The following KIFC1 variants were observed in gnomAD, a reference collection of about 807,000 sequenced individuals.
The protein encoded by KIFC1 is kinesin-like protein KIFC1.
Under a neutral mutation model 66.6 loss-of-function variants are expected in KIFC1, and 37 were observed. The observed-to-expected ratio is 0.56, with a 90% CI of 0.43 to 0.73. The LOEUF (loss-of-function observed/expected upper bound fraction) is 0.73, where lower values mean the gene tolerates loss of function less well. KIFC1 is among the 30% of genes least tolerant of loss of function. KIFC1 has a pLI of 0.00. For synonymous variants in KIFC1, 325 were observed against 343.5 expected (o/e 0.95, Z 0.60); for missense variants, 721 against 859.8 (o/e 0.84, Z 2.02).
rs564401607 is a variant in KIFC1, at chr6:33,409,709, G to C, written c.*19G>C. 0.084 allele frequency: 29,045 copies of C among 346,346 alleles called. 2,031 individuals are homozygous for C. Among genetic ancestry groups the C allele is most frequent in the Non-Finnish European group, 0.098 (21,939 of 224,992 alleles). The allele number at this position is 346,346 out of a possible 1,614,324, so 21.5% of individuals were successfully genotyped here. On this transcript the variant is annotated 3_prime_UTR_variant, in exon 11 of 11. Coordinates refer to ENST00000428849, the MANE Select transcript of KIFC1 (RefSeq NM_002263.4). Reference sequence around the variant, plus strand: ...GAAGTGAAGACGGATCCAGATCTGTGTGTGTGTGTGTGTGTGTGTGTGTGT... The same window carrying C: ...GAAGTGAAGACGGATCCAGATCTGTCTGTGTGTGTGTGTGTGTGTGTGTGT...
intron 1 of KIFC1, among the ~76,000 whole-genome samples, chr6:33,393,434 C>CTTTTTT (rs71536188): frequency 8.5e-5 from 7 of 82,534 alleles, no homozygotes; most frequent in East Asian, 3.9e-4. Context: ...GCACCATTGC[C>CTTTTTT]TTTTTTTTTT....
Position 33,405,687 on chromosome 6 carries a change from C to T in KIFC1, c.1536+56C>T, listed in dbSNP as rs761059962. On this transcript the variant is annotated intron_variant, in intron 7 of 10. Coordinates refer to ENST00000428849, the MANE Select transcript of KIFC1 (RefSeq NM_002263.4). The surrounding 1 kb of genome is among the most constrained non-coding windows in gnomAD (Gnocchi z 5.4). ...ATGGGGAGGAGTGGGCAGGGTGCCA[C>T]GAGATGGAGGTAGAGGGAGAAAGGA... 3.6e-5 allele frequency: 51 copies of T among 1,416,294 alleles called. No individual in the cohort carries two copies. Among genetic ancestry groups the T allele is most frequent in the Non-Finnish European group, 4.5e-5 (49 of 1,077,424 alleles). The allele number at this position is 1,416,294 out of a possible 1,614,324, so 87.7% of individuals were successfully genotyped here.
rs547197204 is a variant in KIFC1 at position 33,401,259 on chromosome 6, C to T, written c.251-2055C>T. ...AAGTGATTCTCCTGCCTCAGCCTCC[C>T]GAGTAGCTGGGACTATAGGTGTGTG... On this transcript the variant is annotated intron_variant, in intron 3 of 10. Coordinates refer to ENST00000428849, the MANE Select transcript of KIFC1 (RefSeq NM_002263.4). The surrounding 1 kb of genome is among the most constrained non-coding windows in gnomAD (Gnocchi z 4.5). Among the ~76,000 whole-genome samples the T allele has an allele frequency of 1.3e-5, 2 of 151,888 alleles. No individual in the cohort carries two copies. The highest frequency in any genetic ancestry group is 3.4e-3 in the Middle Eastern group (1 of 290).
intron 2 of KIFC1, 35 bp from the exon 3 acceptor site, chr6:33,398,253 G>C: frequency 1.2e-6 from 2 of 1,613,714 alleles, no homozygotes; most frequent in Non-Finnish European, 1.7e-6. Flanking sequence ...CCATTAGGGA[G>C]GGTGACTATG....
chr6:33,398,414 A>C, intron 3 of KIFC1, 27 bp downstream of exon 3: 1 of 1,442,522 alleles, frequency 6.9e-7, no homozygotes, highest in South Asian at 1.1e-5. Context: ...GATAGACTCC[A>C]AGGACATGGA....
chr6:33,404,399 T>A lies in KIFC1; in HGVS notation c.756+270T>A, dbSNP rs940548801. On this transcript the variant is annotated intron_variant, in intron 6 of 10. Coordinates refer to ENST00000428849, the MANE Select transcript of KIFC1 (RefSeq NM_002263.4). This position sits in a 1 kb window ranked among gnomAD's most constrained non-coding sequence, Gnocchi z 4.0. ...TGTCTTTCTTAGTCCTCCATCCCTC[T>A]TTCTTTGGGTTCCCATCCTGATCAC... Among the ~76,000 whole-genome samples, 1 of 152,214 alleles carries A rather than the reference T, an allele frequency of 6.6e-6. No individual in the cohort carries two copies. Among genetic ancestry groups the A allele is most frequent in the African/African-American group, 2.4e-5 (1 of 41,462 alleles).
chr6:33,397,819 C>T (rs1159262213), intron 1 of KIFC1, among the ~76,000 whole-genome samples: 1 of 152,186 alleles, frequency 6.6e-6, no homozygotes, highest in Admixed American at 6.5e-5. Flanking sequence ...TAAAGTTAGT[C>T]AAGTCCAGCT....
At chr6:33,396,839 GC>G (rs1244360870) in intron 1 of KIFC1, among the ~76,000 whole-genome samples, 2 of 151,654 alleles carry the variant, frequency 1.3e-5, no homozygotes, top group Non-Finnish European at 2.9e-5. Flanking sequence ...CTGCCACCAC[GC>G]CCGGCTAATT....
At chr6:33,399,069 C>T (rs1775242236) in intron 3 of KIFC1, among the ~76,000 whole-genome samples, 2 of 152,194 alleles carry the variant, frequency 1.3e-5, no homozygotes, top group African/African-American at 4.8e-5. Context: ...TCTGCTTCTG[C>T]AGATTCAACC....
In KIFC1 at chr6:33,398,388, G is replaced by A. The variant is rs1775203008; in HGVS notation, c.250+1G>A. 6.2e-7 allele frequency: 1 copy of A among 1,609,946 alleles called. No homozygotes were observed. The highest frequency in any genetic ancestry group is 8.5e-7 in the Non-Finnish European group (1 of 1,176,278). On this transcript the variant is annotated splice_donor_variant, in intron 3 of 10. Coordinates refer to ENST00000428849, the MANE Select transcript of KIFC1 (RefSeq NM_002263.4). LOFTEE classifies it high-confidence loss of function. ...CCACAGACACAAGGCCAGACCACAG[G>A]TGGGCTCTCAGGATGGATAGACTCC...
chr6:33,403,951 C>T lies in KIFC1; in HGVS notation c.578C>T (p.Ala193Val), dbSNP rs1775503356. ...CGCACAACACTGGAGGGGCATTTAG[C>T]CAAGGTACAGGCCCAGGCTGAGCAG... is the stretch of plus-strand genomic sequence containing the variant. ...TERTTLEGHL[A>V]KVQAQAEQGQ... Residue 193 changes from alanine (A) to valine (V), a missense_variant, in exon 6 of 11, where the codon GCC becomes GTC. Transcript: ENST00000428849. The surrounding 1 kb of genome is among the most constrained non-coding windows in gnomAD (Gnocchi z 4.6). The T allele has an allele frequency of 6.2e-7, 1 of 1,614,226 alleles. No individual in the cohort carries two copies. Among genetic ancestry groups the T allele is most frequent in the East Asian group, 2.2e-5 (1 of 44,892 alleles).
In KIFC1 at chr6:33,409,741, GTGTGTGTGTGTGTCCCTATGTCTA is replaced by G; in HGVS notation, c.*55_*78del. On this transcript the variant is annotated 3_prime_UTR_variant, in exon 11 of 11. Coordinates refer to ENST00000428849, the MANE Select transcript of KIFC1 (RefSeq NM_002263.4). ...TGTGTGTGTGTGTGTGTGTGTGTGT[GTGTGTGTGTGTGTCCCTATGTCTA>G]TGTATCGGGTGAGGGGTGGGAGGGT... The G allele has an allele frequency of 3.0e-6, 4 of 1,325,626 alleles. No individual in the cohort carries two copies. The highest frequency in any genetic ancestry group is 4.2e-6 in the Non-Finnish European group (4 of 947,184). The allele number at this position is 1,325,626 out of a possible 1,614,324, so 82.1% of individuals were successfully genotyped here.
Position 33,398,361 on chromosome 6 carries a change from T to C in KIFC1, c.224T>C (p.Val75Ala). 1 of 1,613,982 alleles carries C rather than the reference T, an allele frequency of 6.2e-7. No homozygotes were observed. Residue 75 changes from valine to alanine, a missense_variant, in exon 3 of 11, where the codon GTG becomes GCG. Physicochemically the swap from Val to Ala is moderately conservative, Grantham distance 64. Coordinates refer to ENST00000428849, the MANE Select transcript of KIFC1 (RefSeq NM_002263.4). ...CCAAGAGTTCCATCCCTCACTACAG[T>C]GCCACAGACACAAGGCCAGACCACA... is the stretch of plus-strand genomic sequence containing the variant. The part of the protein sequence containing the change: ...SHPRVPSLTT[V>A]PQTQGQTTAQ...
rs747759152 is a variant in KIFC1, at chr6:33,392,009, C to T, written c.12+12C>T. 22 of 1,613,510 alleles carry T rather than the reference C, an allele frequency of 1.4e-5. No individual in the cohort carries two copies. In the South Asian group the frequency reaches 2.4e-4, roughly 18 times the overall value. On this transcript the variant is annotated intron_variant, in intron 1 of 10. Transcript: ENST00000428849. ...ACATGGATCCGCAGGTGAGTAGGGG[C>T]GGCGCAGGTGTCCTGCCCTGGGGAT... is the stretch of plus-strand genomic sequence containing the variant.
rs910835553 is a variant in KIFC1, at chr6:33,400,772, G to T, written c.250+2385G>T. Among the ~76,000 whole-genome samples, 15 of 151,968 alleles carry T rather than the reference G, an allele frequency of 9.9e-5. No homozygotes were observed. The highest frequency in any genetic ancestry group is 3.4e-4 in the African/African-American group (14 of 41,388). On this transcript the variant is annotated intron_variant, in intron 3 of 10. Coordinates refer to ENST00000428849, the MANE Select transcript of KIFC1 (RefSeq NM_002263.4). This position sits in a 1 kb window ranked among gnomAD's most constrained non-coding sequence, Gnocchi z 4.3. Reference sequence around the variant, plus strand: ...CGCCATTTTCCTGCCTCAGCCTTCCGCGTAGCTGGGACTACAGGCGCCCTC... The same window carrying T: ...CGCCATTTTCCTGCCTCAGCCTTCCTCGTAGCTGGGACTACAGGCGCCCTC...
Position 33,405,632 on chromosome 6 carries a change from GTGAGGACCCA to G in KIFC1, c.1536+4_1536+13del. On this transcript the variant is annotated splice_donor_variant and splice_donor_5th_base_variant and intron_variant, in intron 7 of 10. Coordinates refer to ENST00000428849, the MANE Select transcript of KIFC1 (RefSeq NM_002263.4). LOFTEE classifies it high-confidence loss of function. This position sits in a 1 kb window ranked among gnomAD's most constrained non-coding sequence, Gnocchi z 5.4. The stretch of plus-strand genomic sequence containing the variant: ...TGTCCCTGTCTCCTGTGAGAAAGAA[GTGAGGACCCA>G]TGGGCACTGGAACTGGGAAATGGGG... 6.6e-7 allele frequency: 1 copy of G among 1,508,382 alleles called. No individual in the cohort carries two copies. The highest frequency in any genetic ancestry group is 8.8e-7 in the Non-Finnish European group (1 of 1,133,038). The allele number at this position is 1,508,382 out of a possible 1,614,324, so 93.4% of individuals were successfully genotyped here.
Position 33,405,576 on chromosome 6 carries a change from G to A in KIFC1, c.1481G>A (p.Ser494Asn), listed in dbSNP as rs765052988. Residue 494 changes from serine (S) to asparagine (N), a missense_variant, in exon 7 of 11, where the codon AGT (serine) becomes AAT (asparagine). Physicochemically the swap from Ser to Asn is conservative, Grantham distance 46. Coordinates refer to ENST00000428849, the MANE Select transcript of KIFC1 (RefSeq NM_002263.4). This position sits in a 1 kb window ranked among gnomAD's most constrained non-coding sequence, Gnocchi z 5.4. ...GAGATTCGCCGTGCAGGGCCAGGGA[G>A]TGAGGAGCTCACTGTCACCAATGCT... is the stretch of plus-strand genomic sequence containing the variant. ...ECEIRRAGPGSEELTVTNARY... is the reference protein window; with the variant it reads ...ECEIRRAGPGNEELTVTNARY... 6 of 1,567,880 alleles carry A rather than the reference G, an allele frequency of 3.8e-6. No homozygotes were observed. The African/African-American group carries it at 8.2e-5, about 21-fold the overall frequency.
At position 33,406,325 on chromosome 6, in the gene KIFC1, C is replaced by T. The variant is rs1215047551; in HGVS notation, c.1666C>T (p.Gln556Ter). 2 of 1,614,220 alleles carry T rather than the reference C, an allele frequency of 1.2e-6. No homozygotes were observed. The highest frequency in any genetic ancestry group is 1.7e-6 in the Non-Finnish European group (2 of 1,180,032). ...TGGGGAGCACTCCAGCCGAGGCCTG[C>T]AGTGTGGGGCCCCCCTCAGTCTTGT... is the stretch of plus-strand genomic sequence containing the variant. ...ISGEHSSRGL[Q>*]CGAPLSLVDL... Residue 556 changes from glutamine (Q) to a stop codon, truncating the protein, a stop_gained, in exon 8 of 11, where the codon CAG (glutamine) becomes TAG (stop). Transcript: ENST00000428849. LOFTEE classifies it high-confidence loss of function. This position sits in a 1 kb window ranked among gnomAD's most constrained non-coding sequence, Gnocchi z 4.5.
At chr6:33,394,061 C>T (rs1353092923) in intron 1 of KIFC1, among the ~76,000 whole-genome samples, 1 of 151,940 alleles carries the variant, frequency 6.6e-6, no homozygotes, top group African/African-American at 2.4e-5. Context: ...TTTTTATTGT[C>T]GTGACTAGGT....
Sources: allele counts gnomAD v4.1 joint callset (sites outside exome capture counted in the v4.1 genomes callset), GRCh38; gene constraint gnomAD v4.1.1; non-coding constraint Gnocchi (gnomAD v3.1); transcripts MANE v1.5; gene names NCBI Gene and HGNC (gene_info 2026-07-23, HGNC 2026-07-21).